Variants in CDH22 observed in about 807,000 individuals in gnomAD.
The protein encoded by CDH22 is cadherin-22.
In CDH22, 30 loss-of-function variants were observed where a neutral mutation model predicts 58.4. That is an observed-to-expected ratio of 0.51 (90% confidence interval 0.38 to 0.70). CDH22 has a LOEUF of 0.70. Among genes scored for constraint, CDH22 ranks in the 30% least tolerant of loss-of-function variants. The probability of loss-of-function intolerance (pLI) is 0.00; values close to 1 mark genes in which losing one functional copy is unlikely to be tolerated. For synonymous variants in CDH22, 513 were observed against 558.2 expected, an observed-to-expected ratio of 0.92 and a Z score of 1.14; for missense variants, 1,014 against 1,233.9, an observed-to-expected ratio of 0.82 and a Z score of 2.67.
At chr20:46,187,084 C>T in intron 8 of CDH22, 137 bp from the exon 9 acceptor site, 3 of 811,504 alleles carry the variant, frequency 3.7e-6, no homozygotes, top group East Asian at 2.6e-5. Context: ...GTACAAGGAC[C>T]AGAACTGGGA....
In CDH22 at chr20:46,174,772, C is replaced by T; in HGVS notation, c.2221G>A (p.Glu741Lys). The T allele has an allele frequency of 1.3e-6, 2 of 1,520,066 alleles. No individual in the cohort carries two copies. The highest frequency in any genetic ancestry group is 2.6e-5 in the East Asian group (1 of 38,296). The allele number at this position is 1,520,066 out of a possible 1,614,324, so 94.2% of individuals were successfully genotyped here. A position where few individuals can be genotyped will look rare whatever the true frequency, so the allele number is the denominator to read the frequency against. The change falls in exon 12 of 12, where the codon GAG becomes AAG. Residue 741 changes from glutamate (E) to lysine (K), a missense_variant. Physicochemically the swap from Glu to Lys is moderately conservative, Grantham distance 56. Around this residue, in one of 2 missense-constraint regions of CDH22, gnomAD observed 208 missense variants for 195.2 expected, o/e 1.07. Transcript: ENST00000537909. The surrounding 1 kb of genome is among the most constrained non-coding windows in gnomAD (Gnocchi z 4.4). ...HSLPQGPPSP[E>K]PDFSVFRDFI... ...TCCCTGAACACTGAGAAGTCTGGCT[C>T]GGGGCTCGGCGGCCCCTGCGGCAGC...
In CDH22 at chr20:46,216,780, C is replaced by T. The variant is rs748259332; in HGVS notation, c.838+46G>A. ...TCAGCAGGTGGCTTGGATGGGGTAA[C>T]AGACAGACACACAGACGCGCCTTCC... On this transcript the variant is annotated intron_variant, in intron 5 of 11. Coordinates refer to ENST00000537909, the MANE Select transcript of CDH22 (RefSeq NM_021248.3). This position sits in a 1 kb window ranked among gnomAD's most constrained non-coding sequence, Gnocchi z 5.3. 4.5e-6 allele frequency: 7 copies of T among 1,561,982 alleles called. No individual in the cohort carries two copies. The highest frequency in any genetic ancestry group is 1.8e-6 in the Non-Finnish European group (2 of 1,139,452).
chr20:46,275,204 C>T (rs555709763), intron 1 of CDH22, among the ~76,000 whole-genome samples: 29 of 152,250 alleles, frequency 1.9e-4, no homozygotes, highest in African/African-American at 6.3e-4. Context: ...TCACCCTGTC[C>T]GCTCCCCCTC....
At chr20:46,223,670 T>C (rs1280083776) in intron 4 of CDH22, among the ~76,000 whole-genome samples, 17 of 46,566 alleles carry the variant, frequency 3.7e-4, no homozygotes, top group African/African-American at 5.0e-4. Flanking sequence ...TCTTTCCTTC[T>C]TTCTTTCTTT....
intron 2 of CDH22, among the ~76,000 whole-genome samples, chr20:46,244,073 T>C (rs898894914): frequency 1.2e-4 from 19 of 152,340 alleles, no homozygotes; most frequent in Admixed American, 3.3e-4. Flanking sequence ...GAGGATTAGA[T>C]GAGAGCATGT....
chr20:46,218,992 G>C lies in CDH22; in HGVS notation c.671-1999C>G, dbSNP rs181469574. On this transcript the variant is annotated intron_variant, in intron 4 of 11. Transcript: ENST00000537909. ...CCATAAAACCCAAGCTCTGACACCT[G>C]ATGTCCCCCAACAGTCCCCAGACTC... Among the ~76,000 whole-genome samples the C allele has an allele frequency of 2.6e-5, 4 of 152,264 alleles. No homozygotes were observed. The East Asian group carries it at 7.7e-4, about 29-fold the overall frequency.
chr20:46,203,875 C>T lies in CDH22; in HGVS notation c.1287-4316G>A, dbSNP rs1028833565. 7.2e-5 allele frequency among the ~76,000 whole-genome samples: 11 copies of T among 152,020 alleles called. 1 individual carries two copies. Among genetic ancestry groups the T allele is most frequent in the Admixed American group, 6.5e-4 (10 of 15,270 alleles). ...CCTACTTCTCATTTGGTGACAACAA[C>T]CTGAAGGGCAGCAAGGGGAACTAGA... On this transcript the variant is annotated intron_variant, in intron 7 of 11. Coordinates refer to ENST00000537909, the MANE Select transcript of CDH22 (RefSeq NM_021248.3).
At chr20:46,200,300 GGTCTCACTCT>G (rs965620368) in intron 7 of CDH22, among the ~76,000 whole-genome samples, 1 of 149,674 alleles carries the variant, frequency 6.7e-6, no homozygotes, top group African/African-American at 2.5e-5. Flanking sequence ...CTTTAGCCAG[GGTCTCACTCT>G]GTTACCCTGG....
At chr20:46,188,596 C>T (rs895245026) in intron 8 of CDH22, among the ~76,000 whole-genome samples, 2 of 152,146 alleles carry the variant, frequency 1.3e-5, no homozygotes, top group African/African-American at 4.8e-5. Context: ...GTGTACAACA[C>T]GTAGCAAGTG....
At chr20:46,198,501 G>GGGCCAGGCCATGGTCCTATT (rs1304867137) in intron 8 of CDH22, among the ~76,000 whole-genome samples, 2 of 151,368 alleles carry the variant, frequency 1.3e-5, no homozygotes, top group Non-Finnish European at 1.5e-5. Context: ...CTACTGCCCT[G>GGGCCAGGCCATGGTCCTATT]GGCCAGGCCA....
At chr20:46,260,916 G>A (rs1038445609) in intron 1 of CDH22, among the ~76,000 whole-genome samples, 2 of 152,186 alleles carry the variant, frequency 1.3e-5, no homozygotes, top group Non-Finnish European at 2.9e-5. Context: ...GCTGCACAGA[G>A]CGACCCCCAG....
intron 1 of CDH22, among the ~76,000 whole-genome samples, chr20:46,296,766 C>G (rs1477673331): frequency 6.6e-6 from 1 of 152,234 alleles, no homozygotes; most frequent in African/African-American, 2.4e-5. Context: ...CTCTTTCCCT[C>G]CCTCCTGAGG....
At chr20:46,195,379 T>G (rs2145664732) in intron 8 of CDH22, among the ~76,000 whole-genome samples, 2 of 152,300 alleles carry the variant, frequency 1.3e-5, no homozygotes, top group South Asian at 4.1e-4. Context: ...CATCTAAAAA[T>G]CATAACACGT....
rs1346027126 is a variant in CDH22 at position 46,216,092 on chromosome 20, C to T, written c.838+734G>A. Among the ~76,000 whole-genome samples the T allele has an allele frequency of 1.3e-5, 2 of 152,118 alleles. No individual in the cohort carries two copies. Among genetic ancestry groups the T allele is most frequent in the African/African-American group, 2.4e-5 (1 of 41,424 alleles). Reference sequence around the variant, plus strand: ...CAGCAGACCTCAAGTAATGACTCACCCGATAGGAATCAGCCCAGCTCCTGC... The same window carrying T: ...CAGCAGACCTCAAGTAATGACTCACTCGATAGGAATCAGCCCAGCTCCTGC... On this transcript the variant is annotated intron_variant, in intron 5 of 11. Transcript: ENST00000537909. This position sits in a 1 kb window ranked among gnomAD's most constrained non-coding sequence, Gnocchi z 5.3.
At position 46,210,158 on chromosome 20, in the gene CDH22, G is replaced by C; in HGVS notation, c.1286+149C>G. 1 of 748,998 alleles carries C rather than the reference G, an allele frequency of 1.3e-6. No homozygotes were observed. The highest frequency in any genetic ancestry group is 1.9e-6 in the Non-Finnish European group (1 of 519,244). The allele number at this position is 748,998 out of a possible 1,614,324, so 46.4% of individuals were successfully genotyped here. A position where few individuals can be genotyped will look rare whatever the true frequency, so the allele number is the denominator to read the frequency against. On this transcript the variant is annotated intron_variant, in intron 7 of 11. Coordinates refer to ENST00000537909, the MANE Select transcript of CDH22 (RefSeq NM_021248.3). This position sits in a 1 kb window ranked among gnomAD's most constrained non-coding sequence, Gnocchi z 4.5. ...GCTCCGTGCCTGTTTCTCTCCACCC[G>C]TGCGCCTCTCTCCGCGCCTCCCTCC...
chr20:46,290,946 G>A (rs975394259), intron 1 of CDH22, among the ~76,000 whole-genome samples: 2 of 152,174 alleles, frequency 1.3e-5, no homozygotes, highest in African/African-American at 4.8e-5. Context: ...TGCACCCTCT[G>A]CAACTTATGT....
chr20:46,283,846 C>T (rs543313109), intron 1 of CDH22, among the ~76,000 whole-genome samples: 13 of 152,038 alleles, frequency 8.6e-5, no homozygotes, highest in Non-Finnish European at 1.6e-4. Context: ...ACACACCACA[C>T]GCATACACAC....
intron 4 of CDH22, among the ~76,000 whole-genome samples, chr20:46,223,032 G>C (rs1327030426): frequency 1.3e-5 from 2 of 152,228 alleles, no homozygotes; most frequent in African/African-American, 2.4e-5. Flanking sequence ...TGTGGGCAAG[G>C]GGAGGCAAAA....
intron 4 of CDH22, among the ~76,000 whole-genome samples, chr20:46,225,270 A>G (rs2086163052): frequency 6.6e-6 from 1 of 152,234 alleles, no homozygotes; most frequent in Non-Finnish European, 1.5e-5. Context: ...GTGTGAGGTT[A>G]TTCACTGTAG....
Sources: allele counts gnomAD v4.1 joint callset (sites outside exome capture counted in the v4.1 genomes callset), GRCh38; gene constraint gnomAD v4.1.1; regional missense constraint gnomAD v4.1.1; non-coding constraint Gnocchi (gnomAD v3.1); transcripts MANE v1.5; gene names NCBI Gene and HGNC (gene_info 2026-07-23, HGNC 2026-07-21).